The following VRK2 variants were observed in gnomAD, a reference collection of about 807,000 sequenced individuals.
The protein encoded by VRK2 is VRK serine/threonine kinase 2.
Under a neutral mutation model 57.6 loss-of-function variants are expected in VRK2, and 60 were observed. The ratio of observed to expected loss-of-function variants is 1.04; its 90% CI spans 0.85 to 1.29. The LOEUF (loss-of-function observed/expected upper bound fraction) is 1.29, where lower values mean the gene tolerates loss of function less well. Ranked by LOEUF, VRK2 falls within the 50% of genes most tolerant of loss-of-function variation. VRK2 has a pLI of 0.00. For synonymous variants in VRK2, 231 were observed against 199.2 expected (o/e 1.16, Z -1.35); for missense variants, 705 against 588.1 (o/e 1.20, Z -2.06).
At chr2:58,102,395 A>T (rs149243648) in intron 7 of VRK2, among the ~76,000 whole-genome samples, 4 of 151,466 alleles carry the variant, frequency 2.6e-5, no homozygotes, top group African/African-American at 9.7e-5. Context: ...TTGAAGGCCA[A>T]GGGATTGAAA....
chr2:58,076,064 C>T (rs1194944349), intron 2 of VRK2, among the ~76,000 whole-genome samples: 2 of 150,526 alleles, frequency 1.3e-5, no homozygotes, highest in Non-Finnish European at 3.0e-5. Context: ...TGAGTGGAAA[C>T]CTCTCTTTAC....
intron 7 of VRK2, among the ~76,000 whole-genome samples, chr2:58,118,390 G>A (rs1676863871): frequency 6.6e-6 from 1 of 152,188 alleles, no homozygotes; most frequent in African/African-American, 2.4e-5. Flanking sequence ...CCGGAGTTTT[G>A]GGTCCATGGA....
rs193172700 is a variant in VRK2 at position 58,132,922 on chromosome 2, A to G, written c.797+994A>G. ...ATTTATATAAATCTATATTAGAACT[A>G]AATCAGTTATTTACTGCAGTGATTG... On this transcript the variant is annotated intron_variant, in intron 9 of 12. Coordinates refer to ENST00000340157, the MANE Select transcript of VRK2 (RefSeq NM_006296.7). 1.3e-3 allele frequency among the ~76,000 whole-genome samples: 196 copies of G among 152,312 alleles called. 1 individual carries two copies. The highest frequency in any genetic ancestry group is 0.013 in the East Asian group (66 of 5,190).
chr2:58,101,462 T>G (rs1317291885), intron 7 of VRK2, among the ~76,000 whole-genome samples: 3 of 151,912 alleles, frequency 2.0e-5, no homozygotes, highest in South Asian at 4.1e-4. Flanking sequence ...CTTAACAAAC[T>G]TCACAGTCAT....
chr2:58,118,829 T>G (rs1014440167), intron 7 of VRK2, among the ~76,000 whole-genome samples: 3 of 152,170 alleles, frequency 2.0e-5, no homozygotes, highest in African/African-American at 7.2e-5. Context: ...TGGGGCCGTT[T>G]TATAGGATTT....
chr2:58,047,533 GTATT>G, intron 1 of VRK2: 2 of 790,782 alleles, frequency 2.5e-6, no homozygotes, highest in Non-Finnish European at 3.1e-6. Context: ...GCCCCAAAGT[GTATT>G]TATCTTTTTT....
intron 7 of VRK2, among the ~76,000 whole-genome samples, chr2:58,090,726 GAAAACTTACATCCACACAAA>G (rs1213872435): frequency 6.6e-6 from 1 of 152,122 alleles, no homozygotes; most frequent in South Asian, 2.1e-4. Flanking sequence ...CAAATGAGTT[GAAAACTTACATCCACACAAA>G]AACCTGCACG....
rs377703990 is a variant in VRK2 at position 58,107,516 on chromosome 2, C to G, written c.544-15585C>G. 2.6e-4 allele frequency among the ~76,000 whole-genome samples: 39 copies of G among 152,228 alleles called. No individual in the cohort carries two copies. The South Asian group carries it at 7.5e-3, about 29-fold the overall frequency. ...TCTTCCTAGTATAATTTTCATCAGT[C>G]TCTCATTATGAGACTTTAATGGACA... On this transcript the variant is annotated intron_variant, in intron 7 of 12. Transcript: ENST00000340157.
At chr2:58,053,130 A>G (rs1676004818) in intron 2 of VRK2, among the ~76,000 whole-genome samples, 1 of 152,218 alleles carries the variant, frequency 6.6e-6, no homozygotes. Context: ...TTCCATAATT[A>G]TAGATGTCAC....
intron 1 of VRK2, among the ~76,000 whole-genome samples, chr2:58,010,224 C>G (rs1452918537): frequency 1.3e-5 from 2 of 152,116 alleles, no homozygotes; most frequent in Admixed American, 6.5e-5. Flanking sequence ...TTGGGCAAAT[C>G]ACTTAATTTG....
At chr2:57,913,528 A>C (rs896128593) in intron 1 of VRK2, among the ~76,000 whole-genome samples, 1 of 152,114 alleles carries the variant, frequency 6.6e-6, no homozygotes, top group Non-Finnish European at 1.5e-5. Flanking sequence ...AATAAAGTTG[A>C]ATAAGGAGGG....
chr2:58,113,175 G>A (rs960621599), intron 7 of VRK2, among the ~76,000 whole-genome samples: 2 of 152,014 alleles, frequency 1.3e-5, no homozygotes, highest in African/African-American at 4.8e-5. Context: ...TGGGCGTGGT[G>A]GCACACGGCT....
At chr2:57,987,949 G>C (rs1316936375) in intron 1 of VRK2, among the ~76,000 whole-genome samples, 1 of 152,156 alleles carries the variant, frequency 6.6e-6, no homozygotes, top group Non-Finnish European at 1.5e-5. Context: ...TTCTGGAAAA[G>C]TCAAAACTAC....
At chr2:58,013,686 C>T (rs189408499) in intron 1 of VRK2, among the ~76,000 whole-genome samples, 6,595 of 151,220 alleles carry the variant, frequency 0.044, 170 homozygotes, top group Middle Eastern at 0.075. Context: ...GGTGAAACCC[C>T]GTCTCTACTA....
At chr2:58,102,611 A>G (rs747186634) in intron 7 of VRK2, among the ~76,000 whole-genome samples, 2 of 151,688 alleles carry the variant, frequency 1.3e-5, no homozygotes, top group Non-Finnish European at 3.0e-5. Flanking sequence ...TCATAAAACA[A>G]TATTACGAGA....
At chr2:57,939,797 A>G (rs1443429949) in intron 1 of VRK2, among the ~76,000 whole-genome samples, 3 of 152,180 alleles carry the variant, frequency 2.0e-5, no homozygotes, top group African/African-American at 7.2e-5. Context: ...TAGGTAGAAC[A>G]CTTAGTTCTT....
At chr2:57,935,100 T>C (rs533352395) in intron 1 of VRK2, among the ~76,000 whole-genome samples, 1 of 152,336 alleles carries the variant, frequency 6.6e-6, no homozygotes, top group South Asian at 2.1e-4. Context: ...GTTGTGAGAA[T>C]AATTGGGGAT....
intron 1 of VRK2, among the ~76,000 whole-genome samples, chr2:58,002,280 C>T (rs969522222): frequency 2.0e-5 from 3 of 152,138 alleles, no homozygotes; most frequent in African/African-American, 7.2e-5. Flanking sequence ...AGTTCAAGAC[C>T]AGCCTGGCTA....
intron 1 of VRK2, among the ~76,000 whole-genome samples, chr2:58,006,275 T>G (rs773805368): frequency 6.6e-6 from 1 of 152,192 alleles, no homozygotes; most frequent in Non-Finnish European, 1.5e-5. Context: ...TGTTAAAGCT[T>G]TGGCAGTTAG....
Sources: allele counts gnomAD v4.1 joint callset (sites outside exome capture counted in the v4.1 genomes callset), GRCh38; gene constraint gnomAD v4.1.1; transcripts MANE v1.5; gene names NCBI Gene and HGNC (gene_info 2026-07-23, HGNC 2026-07-21).